Variants in INTS4 observed in about 807,000 individuals in gnomAD.
INTS4 encodes the protein MSTP093.
Under a neutral mutation model 119.5 loss-of-function variants are expected in INTS4, and 70 were observed. The ratio of observed to expected loss-of-function variants is 0.59; its 90% CI spans 0.48 to 0.71. The LOEUF is 0.71. INTS4 is among the 30% of genes least tolerant of loss of function. The pLI, the probability that INTS4 is intolerant of heterozygous loss-of-function variation, is 0.00. For missense variants in INTS4, 867 were observed against 1,173.2 expected (o/e 0.74, Z 3.81); for synonymous variants, 316 against 419.6 (o/e 0.75, Z 3.02).
At chr11:77,877,149 G>T, downstream of INTS4, 1 of 650,272 alleles carries the variant, frequency 1.5e-6, no homozygotes, top group South Asian at 1.7e-5. Context: ...CCTGGAAATA[G>T]ACTGCCAGAT....
chr11:77,900,424 T>C, intron 18 of INTS4: 1 of 509,430 alleles, frequency 2.0e-6, no homozygotes. Context: ...TAAGATTAAA[T>C]GATTCTTTGA....
At chr11:77,908,868 T>C (rs1262515271) in intron 15 of INTS4, among the ~76,000 whole-genome samples, 3 of 152,182 alleles carry the variant, frequency 2.0e-5, no homozygotes, top group Admixed American at 2.0e-4. Context: ...TGGTAGACAC[T>C]GTTGGTTGCC....
intron 16 of INTS4, among the ~76,000 whole-genome samples, chr11:77,904,806 G>A (rs373860778): frequency 1.5e-4 from 23 of 152,276 alleles, no homozygotes; most frequent in African/African-American, 4.8e-4. Context: ...AGTGATTAGC[G>A]TGTTTTGGGT....
At chr11:77,978,123 G>A (rs1409457797) in intron 4 of INTS4, 1 of 151,982 alleles carries the variant, frequency 6.6e-6, no homozygotes, top group Non-Finnish European at 1.5e-5. Flanking sequence ...AACTCCTGAT[G>A]TCAAATGATC....
chr11:77,976,651 C>A (rs1030324350), intron 4 of INTS4, among the ~76,000 whole-genome samples: 5 of 152,160 alleles, frequency 3.3e-5, no homozygotes, highest in Non-Finnish European at 7.3e-5. Flanking sequence ...GCACTATTCA[C>A]AATAGCAAAG....
intron 2 of INTS4, chr11:77,987,223 T>G (rs950384641): frequency 1.9e-5 from 3 of 154,904 alleles, no homozygotes; most frequent in Admixed American, 1.3e-4. Flanking sequence ...ACATAGTATA[T>G]ATCTGAAATG....
chr11:77,964,821 T>C (rs1486377038), intron 4 of INTS4, among the ~76,000 whole-genome samples: 1 of 152,010 alleles, frequency 6.6e-6, no homozygotes. Flanking sequence ...CAAGATTTAA[T>C]AACAGTTGCT....
intron 11 of INTS4, among the ~76,000 whole-genome samples, chr11:77,926,395 C>A (rs192435685): frequency 1.6e-3 from 239 of 152,324 alleles, no homozygotes; most frequent in African/African-American, 5.5e-3. Context: ...CACAAATAAG[C>A]ATACCTGTGA....
At chr11:77,927,256 A>G (rs1368141695) in intron 11 of INTS4, among the ~76,000 whole-genome samples, 1 of 152,224 alleles carries the variant, frequency 6.6e-6, no homozygotes, top group Non-Finnish European at 1.5e-5. Flanking sequence ...CGCACATAGA[A>G]TGTAAACTTA....
At chr11:77,920,162 C>CATATAT (rs1953305433) in intron 14 of INTS4, among the ~76,000 whole-genome samples, 1 of 94,638 alleles carries the variant, frequency 1.1e-5, no homozygotes, top group Non-Finnish European at 2.3e-5. Flanking sequence ...TATATATACA[C>CATATAT]ATATATATAC....
In INTS4 at chr11:77,966,782, A is replaced by C. The variant is rs150611730; in HGVS notation, c.472-5644T>G. ...ATTAAGTCTTTTGTGGTTTCATACA[A>C]ACTTTAAAGATTTTTTTTCTATTTC... On this transcript the variant is annotated intron_variant, in intron 4 of 22. Coordinates refer to ENST00000534064, the MANE Select transcript of INTS4 (RefSeq NM_033547.4). Among the ~76,000 whole-genome samples the C allele has an allele frequency of 5.1e-3, 782 of 152,242 alleles. 3 individuals carry two copies. The highest frequency in any genetic ancestry group is 0.018 in the African/African-American group (738 of 41,542).
chr11:77,930,978 C>T (rs1953634562), intron 10 of INTS4, among the ~76,000 whole-genome samples: 1 of 152,128 alleles, frequency 6.6e-6, no homozygotes, highest in East Asian at 1.9e-4. Flanking sequence ...TAGGTTTGTA[C>T]TTAGTACTAA....
chr11:77,936,753 A>G (rs1373491718), intron 10 of INTS4, among the ~76,000 whole-genome samples: 2 of 152,126 alleles, frequency 1.3e-5, no homozygotes, highest in Non-Finnish European at 2.9e-5. Flanking sequence ...GAAAATAAAA[A>G]CTGGAGAAAG....
Position 77,928,466 on chromosome 11 carries a change from A to C in INTS4, c.1247T>G (p.Leu416Arg), listed in dbSNP as rs1953565144. Reference sequence around the variant, plus strand: ...AATTTCATCGTTGAACATGTCAACTAGGAAATCAAGGCACTTCTCAGCAAA... The same window carrying C: ...AATTTCATCGTTGAACATGTCAACTCGGAAATCAAGGCACTTCTCAGCAAA... ...PSFAEKCLDF[L>R]VDMFNDEIEE... Residue 416 changes from leucine (L) to arginine (R), a missense_variant, in exon 11 of 23, where the codon CTA (leucine) becomes CGA (arginine). Physicochemically the swap from Leu to Arg is moderately radical, Grantham distance 102 (BLOSUM62 -2). This residue lies in a region of INTS4 where 208 missense variants were observed against 306.6 expected (regional missense o/e 0.68). Coordinates refer to ENST00000534064, the MANE Select transcript of INTS4 (RefSeq NM_033547.4). 1 of 1,611,180 alleles carries C rather than the reference A, an allele frequency of 6.2e-7. No homozygotes were observed. The highest frequency in any genetic ancestry group is 1.3e-5 in the African/African-American group (1 of 74,854).
intron 4 of INTS4, among the ~76,000 whole-genome samples, chr11:77,969,449 T>C (rs865821079): frequency 1.9e-4 from 29 of 152,276 alleles, no homozygotes; most frequent in Non-Finnish European, 3.4e-4. Context: ...GATGTCATCA[T>C]AGCTCATTGC....
At chr11:77,928,635 G>A in intron 10 of INTS4, 88 bp from the exon 11 acceptor site, 2 of 1,516,512 alleles carry the variant, frequency 1.3e-6, no homozygotes, top group Non-Finnish European at 1.8e-6. Context: ...GCCAAGGGAG[G>A]CAGATCACTT....
chr11:77,938,625 T>C, intron 10 of INTS4, 26 bp downstream of exon 10: 1 of 1,601,844 alleles, frequency 6.2e-7, no homozygotes, highest in Non-Finnish European at 8.5e-7. Context: ...TAAAGAGTGC[T>C]ATTGCTATTA....
rs151283617 is a variant in INTS4, at chr11:77,984,387, G to A, written c.247-2811C>T. Among the ~76,000 whole-genome samples the A allele has an allele frequency of 6.3e-3, 955 of 152,026 alleles. 4 individuals carry two copies. Among genetic ancestry groups the A allele is most frequent in the Non-Finnish European group, 9.9e-3 (671 of 67,960 alleles). ...TGCACGCCTATAGTCCCAGCTACTC[G>A]GGAGGCCGAGGCAGGAGAATCACTT... On this transcript the variant is annotated intron_variant, in intron 2 of 22. Transcript: ENST00000534064.
Position 77,887,166 on chromosome 11 carries a change from A to C in INTS4, c.2593-3214T>G, listed in dbSNP as rs149277073. On this transcript the variant is annotated intron_variant, in intron 21 of 22. Transcript: ENST00000534064. ...AAAATTAATGAATCCACCACCAAAA[A>C]TCCTCAATAAAATACTGGCAAACCA... Among the ~76,000 whole-genome samples, 370 of 152,320 alleles carry C rather than the reference A, an allele frequency of 2.4e-3. 4 individuals are homozygous for C. Among genetic ancestry groups the C allele is most frequent in the African/African-American group, 8.6e-3 (356 of 41,554 alleles).
Sources: gnomAD v4.1 joint callset for allele counts (sites outside exome capture counted in the v4.1 genomes callset) on GRCh38, gnomAD v4.1.1 for gene constraint, gnomAD v4.1.1 regional missense constraint, MANE v1.5 for transcripts, NCBI Gene and HGNC (gene_info 2026-07-23, HGNC 2026-07-21) for gene names.